LEMD3: variants seen among roughly 807,000 people sequenced by gnomAD.
LEMD3 encodes the protein inner nuclear membrane protein Man1.
LEMD3 carries 33 observed loss-of-function variants against 95.2 expected under a neutral mutation model. That is an observed-to-expected ratio of 0.35 (90% confidence interval 0.26 to 0.46). LEMD3 has a LOEUF of 0.46. Among genes scored for constraint, LEMD3 ranks in the 20% least tolerant of loss-of-function variants. The pLI is 1.00. For synonymous variants in LEMD3, 525 were observed against 474.6 expected (o/e 1.11, Z -1.38); for missense variants, 1,210 against 1,192.8 (o/e 1.01, Z -0.21).
In LEMD3 at chr12:65,169,716, C is replaced by G. The variant is rs780709633; in HGVS notation, c.120C>G (p.Leu40=). Residue 40 remains leucine, a synonymous_variant, in exon 1 of 13, where the codon CTC becomes CTG. Transcript: ENST00000308330. ...CGGAGAGCACCCGCCCGGTCTACCT[C>G]AAGAAGCTGAAGAAGCTTCGAGAGG... is the stretch of plus-strand genomic sequence containing the variant. ...PVTESTRPVY[L]KKLKKLREEE... 2 of 1,587,944 alleles carry G rather than the reference C, an allele frequency of 1.3e-6. No homozygotes were observed. The highest frequency in any genetic ancestry group is 1.7e-6 in the Non-Finnish European group (2 of 1,167,510).
At chr12:65,220,150 T>G (rs558203264) in intron 4 of LEMD3, among the ~76,000 whole-genome samples, 1 of 152,334 alleles carries the variant, frequency 6.6e-6, no homozygotes, top group South Asian at 2.1e-4. Flanking sequence ...ACTGTACCAT[T>G]TTACATTCTT....
intron 1 of LEMD3, among the ~76,000 whole-genome samples, chr12:65,189,360 A>G (rs976131159): frequency 1.3e-5 from 2 of 152,180 alleles, no homozygotes; most frequent in Non-Finnish European, 2.9e-5. Context: ...AACAAACCAT[A>G]AACTCACTCT....
Position 65,246,425 on chromosome 12 carries a change from T to C in LEMD3, c.*100T>C, listed in dbSNP as rs1871109077. 1 of 922,618 alleles carries C rather than the reference T, an allele frequency of 1.1e-6. No homozygotes were observed. The allele number at this position is 922,618 out of a possible 1,614,324, so 57.2% of individuals were successfully genotyped here. On this transcript the variant is annotated 3_prime_UTR_variant, in exon 13 of 13. Coordinates refer to ENST00000308330, the MANE Select transcript of LEMD3 (RefSeq NM_014319.5). Reference sequence around the variant, plus strand: ...AAATGCTTTTTGTATGTAATATTTTTATTGATGAATACATCTCTGAACGTT... The same window carrying C: ...AAATGCTTTTTGTATGTAATATTTTCATTGATGAATACATCTCTGAACGTT...
chr12:65,216,354 A>G (rs940445093), intron 3 of LEMD3, among the ~76,000 whole-genome samples: 2 of 152,034 alleles, frequency 1.3e-5, no homozygotes, highest in Non-Finnish European at 2.9e-5. Flanking sequence ...TTAGGTAAGC[A>G]GTGAATTAAC....
Position 65,218,593 on chromosome 12 carries a change from G to T in LEMD3, c.1669G>T (p.Val557Phe). 1 of 1,605,670 alleles carries T rather than the reference G, an allele frequency of 6.2e-7. No homozygotes were observed. The highest frequency in any genetic ancestry group is 8.5e-7 in the Non-Finnish European group (1 of 1,175,150). ...CGSSSQRTLS[V>F]QEAAAYLKDL... is the part of the protein sequence containing the mutation. Reference sequence around the variant, plus strand: ...CAGTTCTAGTCAAAGAACGCTTTCTGTTCAAGAGGCAGCTGCGTATTTAAA... The same window carrying T: ...CAGTTCTAGTCAAAGAACGCTTTCTTTTCAAGAGGCAGCTGCGTATTTAAA... The change falls in exon 4 of 13, where the codon GTT (valine) becomes TTT (phenylalanine). Residue 557 changes from valine (V) to phenylalanine (F), a missense_variant. Val to Phe is a conservative substitution (Grantham distance 50). Transcript: ENST00000308330.
intron 4 of LEMD3, among the ~76,000 whole-genome samples, chr12:65,228,806 C>G (rs1351939778): frequency 1.3e-5 from 2 of 152,144 alleles, no homozygotes; most frequent in East Asian, 3.8e-4. Context: ...TGAGCCATCA[C>G]CTCAAACATT....
At chr12:65,193,641 C>T (rs1565784030) in intron 1 of LEMD3, among the ~76,000 whole-genome samples, 1 of 151,958 alleles carries the variant, frequency 6.6e-6, no homozygotes, top group Non-Finnish European at 1.5e-5. Flanking sequence ...TACTGGGAGA[C>T]TGCGGATCCC....
intron 1 of LEMD3, among the ~76,000 whole-genome samples, chr12:65,204,775 C>T (rs1348218707): frequency 1.3e-5 from 2 of 152,098 alleles, no homozygotes; most frequent in African/African-American, 4.8e-5. Flanking sequence ...CTCCACACCT[C>T]GCCAGAATAT....
chr12:65,200,763 C>G (rs1007959858), intron 1 of LEMD3, among the ~76,000 whole-genome samples: 1 of 152,084 alleles, frequency 6.6e-6, no homozygotes, highest in Admixed American at 6.5e-5. Flanking sequence ...TATGGCTTCT[C>G]TTTTTATTCT....
intron 1 of LEMD3, among the ~76,000 whole-genome samples, chr12:65,205,228 C>T (rs1410981547): frequency 6.6e-6 from 1 of 152,088 alleles, no homozygotes; most frequent in Non-Finnish European, 1.5e-5. Context: ...GTCCCTCCCT[C>T]AACACATGGG....
intron 1 of LEMD3, among the ~76,000 whole-genome samples, chr12:65,191,632 G>T (rs1243498866): frequency 6.6e-6 from 1 of 152,064 alleles, no homozygotes; most frequent in Non-Finnish European, 1.5e-5. Context: ...TTAGTTCAAG[G>T]TGAGAAAGAC....
chr12:65,241,088 G>C lies in LEMD3; in HGVS notation c.2305+1G>C. Reference sequence around the variant, plus strand: ...CCTTCTAAAGTATGGCAAGGTCAAGGTATGTATTTTTAAACATCAAAAAAG... The same window carrying C: ...CCTTCTAAAGTATGGCAAGGTCAAGCTATGTATTTTTAAACATCAAAAAAG... On this transcript the variant is annotated splice_donor_variant, in intron 9 of 12. Transcript: ENST00000308330. LOFTEE classifies it high-confidence loss of function. 6.2e-7 allele frequency: 1 copy of C among 1,612,768 alleles called. No individual in the cohort carries two copies. Among genetic ancestry groups the C allele is most frequent in the Non-Finnish European group, 8.5e-7 (1 of 1,178,876 alleles).
intron 1 of LEMD3, chr12:65,171,566 A>C (rs1029366854): frequency 5.0e-6 from 1 of 199,296 alleles, no homozygotes; most frequent in African/African-American, 2.3e-5. Context: ...TTATAATATT[A>C]ACTGTATGCA....
chr12:65,223,833 CTT>C (rs71278238), intron 4 of LEMD3, among the ~76,000 whole-genome samples: 13 of 125,682 alleles, frequency 1.0e-4, no homozygotes, highest in Non-Finnish European at 1.5e-4. Flanking sequence ...TTTTTTGTGT[CTT>C]TTTTTTTTTT....
intron 1 of LEMD3, among the ~76,000 whole-genome samples, chr12:65,197,226 A>G (rs1182222506): frequency 6.6e-6 from 1 of 152,136 alleles, no homozygotes; most frequent in African/African-American, 2.4e-5. Flanking sequence ...AATAGTAGTC[A>G]TATTTCCCAT....
In LEMD3 at chr12:65,239,959, AC is replaced by A; in HGVS notation, c.1953del (p.Tyr651Ter). The part of the protein sequence containing the change: ...GVVMVCVVLR[Y>X]MKYRWTKEEE... ...GTGATGGTTTGTGTCGTTCTGCGTT[AC>A]ATGAAATATCGATGGACAAAAGAAG... On this transcript the variant is annotated frameshift_variant, in exon 7 of 13. Transcript: ENST00000308330. LOFTEE classifies it high-confidence loss of function. 6.2e-7 allele frequency: 1 copy of A among 1,611,980 alleles called. No individual in the cohort carries two copies. Among genetic ancestry groups the A allele is most frequent in the Non-Finnish European group, 8.5e-7 (1 of 1,178,166 alleles).
At position 65,170,110 on chromosome 12, in the gene LEMD3, G is replaced by T; in HGVS notation, c.514G>T (p.Ala172Ser). 6.2e-6 allele frequency: 9 copies of T among 1,458,850 alleles called. No homozygotes were observed. The highest frequency in any genetic ancestry group is 8.1e-6 in the Non-Finnish European group (9 of 1,112,404). The allele number at this position is 1,458,850 out of a possible 1,614,324, so 90.4% of individuals were successfully genotyped here. A position where few individuals can be genotyped will look rare whatever the true frequency, so the allele number is the denominator to read the frequency against. ...RASLQYRGLK[A>S]PPAPLAASEV... ...TTCGCTCCAGTACCGCGGGCTCAAA[G>T]CGCCGCCGGCGCCCCTGGCCGCCAG... Residue 172 changes from alanine to serine, a missense_variant, in exon 1 of 13, where the codon GCG (alanine) becomes TCG (serine). Ala to Ser is a moderately conservative substitution (Grantham distance 99, BLOSUM62 1). This residue lies in a region of LEMD3 where 749 missense variants were observed against 622.9 expected (regional missense o/e 1.20). Coordinates refer to ENST00000308330, the MANE Select transcript of LEMD3 (RefSeq NM_014319.5).
At chr12:65,223,430 A>G (rs1187541553) in intron 4 of LEMD3, among the ~76,000 whole-genome samples, 1 of 151,788 alleles carries the variant, frequency 6.6e-6, no homozygotes, top group East Asian at 1.9e-4. Context: ...CAGCCTCCCA[A>G]GTAGCTGGGG....
In LEMD3 at chr12:65,170,799, C is replaced by T; in HGVS notation, c.1203C>T (p.Asp401=). 1 of 1,614,182 alleles carries T rather than the reference C, an allele frequency of 6.2e-7. No individual in the cohort carries two copies. Among genetic ancestry groups the T allele is most frequent in the Non-Finnish European group, 8.5e-7 (1 of 1,180,036 alleles). The change falls in exon 1 of 13, where the codon GAC becomes GAT. Residue 401 remains aspartate, a synonymous_variant. Transcript: ENST00000308330. The stretch of plus-strand genomic sequence containing the variant: ...TTGGCGGTGGGGCCTTCAGTGTGGA[C>T]TCCCCCAGGATTTATTCTAACAGTC... ...NHIGGGAFSV[D]SPRIYSNSLP...
Sources: allele counts gnomAD v4.1 joint callset (sites outside exome capture counted in the v4.1 genomes callset), GRCh38; gene constraint gnomAD v4.1.1; regional missense constraint gnomAD v4.1.1; transcripts MANE v1.5; gene names NCBI Gene and HGNC (gene_info 2026-07-23, HGNC 2026-07-21).